PDE4D: variants seen among roughly 807,000 people sequenced by gnomAD.
PDE4D encodes 3',5'-cyclic-AMP phosphodiesterase 4D.
In PDE4D, 24 loss-of-function variants were observed where a neutral mutation model predicts 87.4. That is an observed-to-expected ratio of 0.27 (90% confidence interval 0.20 to 0.39). The LOEUF is 0.39. PDE4D is among the 10% of genes least tolerant of loss of function. PDE4D has a pLI of 1.00. For missense variants in PDE4D, 714 were observed against 1,041.0 expected, an observed-to-expected ratio of 0.69 and a Z score of 4.32; for synonymous variants, 384 against 383.2, an observed-to-expected ratio of 1.00 and a Z score of -0.02.
At chr5:60,159,350 G>C (rs1038533452) in intron 2 of PDE4D, among the ~76,000 whole-genome samples, 1 of 151,948 alleles carries the variant, frequency 6.6e-6, no homozygotes, top group Admixed American at 6.6e-5. Context: ...CTAAAACAAT[G>C]ATTAAAAAGT....
At position 60,316,574 on chromosome 5, in the gene PDE4D, A is replaced by G. The variant is rs200291954; in HGVS notation, c.-89-130887T>C. Among the ~76,000 whole-genome samples the G allele has an allele frequency of 3.2e-4, 48 of 152,304 alleles. No homozygotes were observed. The East Asian group carries it at 6.9e-3, about 22-fold the overall frequency. ...TCCCTCTGTCTTGTGCCAGTTTTCA[A>G]AGGGAATGCTTCCAGTTTTTGCCCA... On this transcript the variant is annotated intron_variant, in intron 1 of 16. Coordinates refer to the PDE4D transcript ENST00000502484.
intron 1 of PDE4D, among the ~76,000 whole-genome samples, chr5:60,238,638 T>C (rs957928662): frequency 6.6e-6 from 1 of 152,056 alleles, no homozygotes; most frequent in African/African-American, 2.4e-5. Flanking sequence ...TGTGTGTTTA[T>C]CAGCCATTTT....
chr5:59,542,173 T>A (rs1180687230), intron 1 of PDE4D, among the ~76,000 whole-genome samples: 1 of 152,122 alleles, frequency 6.6e-6, no homozygotes. Flanking sequence ...AGTGCTATTT[T>A]TTTCTCTGCC....
At chr5:59,655,600 A>T (rs1031475006) in intron 1 of PDE4D, among the ~76,000 whole-genome samples, 5 of 152,026 alleles carry the variant, frequency 3.3e-5, no homozygotes, top group African/African-American at 1.2e-4. Context: ...GTTATTGTTG[A>T]TGAGTTTGTT....
At chr5:60,220,457 T>C (rs1744368306) in intron 1 of PDE4D, among the ~76,000 whole-genome samples, 1 of 152,146 alleles carries the variant, frequency 6.6e-6, no homozygotes, top group Non-Finnish European at 1.5e-5. Context: ...TGGGGACTTT[T>C]AGAAACTACT....
chr5:59,637,543 TAC>T (rs1832402328), intron 1 of PDE4D, among the ~76,000 whole-genome samples: 1 of 151,812 alleles, frequency 6.6e-6, no homozygotes, highest in South Asian at 2.1e-4. Context: ...GTGGCACATA[TAC>T]ACCATGGAAT....
In PDE4D at chr5:60,473,700, G is replaced by C. The variant is rs368033276; in HGVS notation, c.-90+14242C>G. Reference sequence around the variant, plus strand: ...AGATCCTCTCACCAAAGTGTCAATGGCTCCCCATGCCAACCCAAAAAGTCC... The same window carrying C: ...AGATCCTCTCACCAAAGTGTCAATGCCTCCCCATGCCAACCCAAAAAGTCC... On this transcript the variant is annotated intron_variant, in intron 1 of 16. Coordinates refer to the PDE4D transcript ENST00000502484. Among the ~76,000 whole-genome samples, 3 of 151,904 alleles carry C rather than the reference G, an allele frequency of 2.0e-5. No individual in the cohort carries two copies. In the East Asian group the frequency reaches 5.8e-4, roughly 30 times the overall value.
chr5:60,472,338 C>T (rs1417679976), intron 1 of PDE4D, among the ~76,000 whole-genome samples: 2 of 152,128 alleles, frequency 1.3e-5, no homozygotes, highest in Non-Finnish European at 2.9e-5. Context: ...AGCAGCAAAG[C>T]CTGATTCCAA....
At chr5:60,158,203 T>C (rs1165003654) in intron 2 of PDE4D, among the ~76,000 whole-genome samples, 3 of 152,190 alleles carry the variant, frequency 2.0e-5, no homozygotes, top group Non-Finnish European at 2.9e-5. Context: ...TCACAGAGTA[T>C]ACCTACACAA....
intron 1 of PDE4D, among the ~76,000 whole-genome samples, chr5:59,392,524 T>TATATATATATATATATATATATATATA (rs1562093627): frequency 2.7e-5 from 4 of 149,332 alleles, no homozygotes; most frequent in East Asian, 2.0e-4. Flanking sequence ...TATATATATA[T>TATATATATATATATATATATATATATA]TCCATTAATT....
At chr5:59,600,393 T>C (rs1827330087) in intron 1 of PDE4D, among the ~76,000 whole-genome samples, 2 of 152,224 alleles carry the variant, frequency 1.3e-5, no homozygotes, top group South Asian at 4.1e-4. Flanking sequence ...ATGAGGAGAG[T>C]AAGTCTGAGC....
intron 1 of PDE4D, among the ~76,000 whole-genome samples, chr5:60,266,788 G>A (rs984318972): frequency 5.3e-5 from 8 of 152,192 alleles, no homozygotes; most frequent in Admixed American, 1.3e-4. Flanking sequence ...CAGGGCTATC[G>A]GTGAAGTGGA....
chr5:59,189,250 T>TG lies in PDE4D; in HGVS notation c.685-3989_685-3988insC, dbSNP rs1554092768. On this transcript the variant is annotated intron_variant, in intron 3 of 14. Coordinates refer to ENST00000340635, the MANE Select transcript of PDE4D (RefSeq NM_001104631.2). The stretch of plus-strand genomic sequence containing the variant: ...CTACCCCGTTTTTTTTTTTGTTTTT[T>TG]TTGTTTTTTTTTTTTTGAGACGGAG... 7.2e-4 allele frequency among the ~76,000 whole-genome samples: 75 copies of TG among 103,856 alleles called. 2 individuals carry two copies. The highest frequency in any genetic ancestry group is 4.0e-3 in the East Asian group (18 of 4,530). The allele number at this position is 103,856 out of a possible 152,430, so 68.1% of individuals were successfully genotyped here.
chr5:60,081,578 C>G (rs1773960144), intron 2 of PDE4D, among the ~76,000 whole-genome samples: 1 of 152,076 alleles, frequency 6.6e-6, no homozygotes, highest in African/African-American at 2.4e-5. Flanking sequence ...CCCAGAGATT[C>G]TGGTATGTTG....
At chr5:59,760,699 T>C (rs1295632560) in intron 1 of PDE4D, among the ~76,000 whole-genome samples, 1 of 152,186 alleles carries the variant, frequency 6.6e-6, no homozygotes, top group Non-Finnish European at 1.5e-5. Context: ...ATAACAAACC[T>C]GATGCATCTT....
rs372981944 is a variant in PDE4D, at chr5:60,357,335, T to A, written c.-90+130607A>T. 1.7e-4 allele frequency among the ~76,000 whole-genome samples: 26 copies of A among 152,286 alleles called. No individual in the cohort carries two copies. In the South Asian group the frequency reaches 2.7e-3, roughly 16 times the overall value. ...TGTATTTATGAATGCAGAACCAAGC[T>A]GTGCAGTGAATTCACTTTTAAACTC... On this transcript the variant is annotated intron_variant, in intron 1 of 16. Transcript: ENST00000502484.
intron 2 of PDE4D, among the ~76,000 whole-genome samples, chr5:60,035,636 T>C (rs528381772): frequency 7.9e-4 from 120 of 152,356 alleles, no homozygotes; most frequent in Admixed American, 1.5e-3. Flanking sequence ...TTAGATATTA[T>C]ATTTTTGAAA....
In PDE4D at chr5:59,663,226, G is replaced by A. The variant is rs116368322; in HGVS notation, c.455+229942C>T. Reference sequence around the variant, plus strand: ...GTCTCCAAGGCTGGAGTACATTGGCGTGATCTTGCCTCACTGCGACCTCTG... The same window carrying A: ...GTCTCCAAGGCTGGAGTACATTGGCATGATCTTGCCTCACTGCGACCTCTG... On this transcript the variant is annotated intron_variant, in intron 1 of 14. Coordinates refer to ENST00000340635, the MANE Select transcript of PDE4D (RefSeq NM_001104631.2). Among the ~76,000 whole-genome samples the A allele has an allele frequency of 9.3e-3, 1,416 of 151,858 alleles. 24 individuals carry two copies. Among genetic ancestry groups the A allele is most frequent in the African/African-American group, 0.033 (1,351 of 41,404 alleles).
chr5:60,426,377 T>G (rs1013634306), intron 1 of PDE4D, among the ~76,000 whole-genome samples: 4 of 152,150 alleles, frequency 2.6e-5, no homozygotes, highest in Non-Finnish European at 4.4e-5. Flanking sequence ...CATGTCCTTT[T>G]CAGGGACATG....
Sources: gnomAD v4.1 joint callset for allele counts (sites outside exome capture counted in the v4.1 genomes callset) on GRCh38, gnomAD v4.1.1 for gene constraint, MANE v1.5 for transcripts, NCBI Gene and HGNC (gene_info 2026-07-23, HGNC 2026-07-21) for gene names.